The following CREBRF variants were observed in gnomAD, a reference collection of about 807,000 sequenced individuals.
CREBRF encodes UPF0474 protein C5orf41.
A neutral mutation model predicts 66.1 loss-of-function variants in CREBRF; 5 were observed. The observed-to-expected ratio is 0.08, with a 90% confidence interval of 0.04 to 0.16. The LOEUF is 0.16. CREBRF is among the 10% of genes least tolerant of loss of function. The pLI, the probability that CREBRF is intolerant of heterozygous loss-of-function variation, is 1.00. For missense variants in CREBRF, 531 were observed against 744.9 expected, an observed-to-expected ratio of 0.71 and a Z score of 3.34; for synonymous variants, 229 against 264.4, an observed-to-expected ratio of 0.87 and a Z score of 1.30.
intron 1 of CREBRF, among the ~76,000 whole-genome samples, chr5:173,077,942 A>G (rs1424242089): frequency 6.6e-6 from 1 of 152,104 alleles, no homozygotes; most frequent in Non-Finnish European, 1.5e-5. Context: ...TGTATTTGCC[A>G]TATTTTGTTG....
intron 5 of CREBRF, chr5:173,109,497 A>C (rs1006109933): frequency 6.8e-6 from 1 of 146,888 alleles, no homozygotes; most frequent in African/African-American, 2.7e-5. Flanking sequence ...TAAAAATGAC[A>C]GTCTTAGGTA....
chr5:173,062,168 A>G (rs1184424460), intron 1 of CREBRF, among the ~76,000 whole-genome samples: 6 of 152,122 alleles, frequency 3.9e-5, no homozygotes, highest in Admixed American at 1.3e-4. Context: ...TGAATATGCT[A>G]ATATTTCGGT....
rs1757685538 is a variant in CREBRF at position 173,074,269 on chromosome 5, C to A, written c.-191-6316C>A. The stretch of plus-strand genomic sequence containing the variant: ...TGAGCTGAGATCACACCATTGCACT[C>A]CAGCCTAGGCAACAAGAGTGAAAGT... On this transcript the variant is annotated intron_variant, in intron 1 of 8. Transcript: ENST00000296953. 3.3e-5 allele frequency among the ~76,000 whole-genome samples: 5 copies of A among 150,254 alleles called. No homozygotes were observed. In the South Asian group the frequency reaches 1.0e-3, roughly 31 times the overall value.
chr5:173,117,394 A>AAAAG (rs1554126323), intron 7 of CREBRF, among the ~76,000 whole-genome samples: 6 of 145,902 alleles, frequency 4.1e-5, no homozygotes, highest in African/African-American at 1.5e-4. Flanking sequence ...AAAAAAAAAA[A>AAAAG]TAAGTAAGTA....
At chr5:173,116,564 G>T (rs571950749) in intron 7 of CREBRF, among the ~76,000 whole-genome samples, 15 of 152,250 alleles carry the variant, frequency 9.9e-5, no homozygotes, top group African/African-American at 3.6e-4. Context: ...TCAATAGTTA[G>T]ATCCTTTTTA....
At chr5:173,108,538 G>T (rs1758799820) in intron 4 of CREBRF, 86 bp from the exon 5 acceptor site, 2 of 1,137,658 alleles carry the variant, frequency 1.8e-6, no homozygotes, top group Admixed American at 2.4e-5. Flanking sequence ...AATATACCAA[G>T]TTACAAATAG....
At chr5:173,085,028 C>T (rs1314101162) in intron 2 of CREBRF, among the ~76,000 whole-genome samples, 4 of 152,084 alleles carry the variant, frequency 2.6e-5, no homozygotes, top group Non-Finnish European at 5.9e-5. Flanking sequence ...CTGCAGCCTC[C>T]ACCTCCTGGG....
intron 1 of CREBRF, among the ~76,000 whole-genome samples, chr5:173,058,553 G>C (rs370692142): frequency 1.3e-5 from 2 of 151,432 alleles, no homozygotes; most frequent in East Asian, 1.9e-4. Context: ...GCCAGATCTC[G>C]ACTCACTGCA....
chr5:173,062,993 C>T (rs191110338), intron 1 of CREBRF, among the ~76,000 whole-genome samples: 218 of 152,102 alleles, frequency 1.4e-3, no homozygotes, highest in Non-Finnish European at 2.5e-3. Flanking sequence ...GTGATCCGCC[C>T]GCCTCGGCCT....
chr5:173,085,563 C>A (rs1758122240), intron 2 of CREBRF, among the ~76,000 whole-genome samples: 1 of 152,038 alleles, frequency 6.6e-6, no homozygotes, highest in Non-Finnish European at 1.5e-5. Context: ...ATTACAGGTG[C>A]CTGCCAGCAC....
chr5:173,071,503 C>A (rs1050645784), intron 1 of CREBRF, among the ~76,000 whole-genome samples: 4 of 151,696 alleles, frequency 2.6e-5, no homozygotes, highest in African/African-American at 9.7e-5. Flanking sequence ...AGCCACCGTG[C>A]CCGGCCTTGT....
chr5:173,108,647 G>A lies in CREBRF; in HGVS notation c.1246G>A (p.Asp416Asn). 1 of 1,610,872 alleles carries A rather than the reference G, an allele frequency of 6.2e-7. No homozygotes were observed. Among genetic ancestry groups the A allele is most frequent in the South Asian group, 1.1e-5 (1 of 89,848 alleles). The change falls in exon 5 of 9, where the codon GAC (aspartate) becomes AAC (asparagine). Residue 416 changes from aspartate (D) to asparagine (N), a missense_variant. By Grantham distance (23) the Asp-to-Asn change is conservative (BLOSUM62 1). Transcript: ENST00000296953. The part of the protein sequence containing the change: ...EPGYENDSVE[D>N]LKEVTSISSR... ...AGGCTATGAAAATGATTCTGTAGAA[G>A]ACCTGAAGGAGGTGACTTCAATATC...
At chr5:173,097,771 A>G (rs956321018) in intron 4 of CREBRF, among the ~76,000 whole-genome samples, 6 of 151,938 alleles carry the variant, frequency 3.9e-5, no homozygotes, top group African/African-American at 1.5e-4. Context: ...TATTGATTTG[A>G]GTCTTTTTTC....
chr5:173,095,252 G>T (rs1480194456), intron 4 of CREBRF, among the ~76,000 whole-genome samples: 2 of 134,408 alleles, frequency 1.5e-5, no homozygotes, highest in African/African-American at 5.6e-5. Context: ...GCAGTGGCCC[G>T]ATCTTGGCTC....
chr5:173,128,249 TA>T (rs1759318172), intron 8 of CREBRF, among the ~76,000 whole-genome samples: 1 of 152,188 alleles, frequency 6.6e-6, no homozygotes, highest in Non-Finnish European at 1.5e-5. Context: ...GAGAGAGATT[TA>T]AAATTTCCCC....
At chr5:173,059,682 T>TA (rs1373576605) in intron 1 of CREBRF, among the ~76,000 whole-genome samples, 2 of 152,244 alleles carry the variant, frequency 1.3e-5, no homozygotes, top group Non-Finnish European at 1.5e-5. Context: ...TTTTCATTGA[T>TA]ACTTAGAATA....
rs575273047 is a variant in CREBRF at position 173,129,179 on chromosome 5, C to T, written c.1805-4451C>T. On this transcript the variant is annotated intron_variant, in intron 8 of 8. Coordinates refer to ENST00000296953, the MANE Select transcript of CREBRF (RefSeq NM_153607.3). ...TTGCCCAGGCTGGAGTGCAGTGGCG[C>T]GATCTCGGCTCACTGCAAACTCCAC... Among the ~76,000 whole-genome samples the T allele has an allele frequency of 6.4e-4, 84 of 130,678 alleles. 1 individual carries two copies. The highest frequency in any genetic ancestry group is 5.6e-4 in the African/African-American group (19 of 33,790). The allele number at this position is 130,678 out of a possible 152,430, so 85.7% of individuals were successfully genotyped here.
chr5:173,093,164 G>C (rs1193931731), intron 4 of CREBRF, among the ~76,000 whole-genome samples: 1 of 152,106 alleles, frequency 6.6e-6, no homozygotes, highest in Non-Finnish European at 1.5e-5. Flanking sequence ...GGGTAATTAA[G>C]GGAAATGGCA....
At chr5:173,111,848 AG>A (rs1293853582) in intron 6 of CREBRF, among the ~76,000 whole-genome samples, 4 of 152,238 alleles carry the variant, frequency 2.6e-5, no homozygotes, top group Non-Finnish European at 4.4e-5. Flanking sequence ...CTTTCCTGCT[AG>A]CAACACATGA....
Sources: gnomAD v4.1 joint callset for allele counts (sites outside exome capture counted in the v4.1 genomes callset) on GRCh38, gnomAD v4.1.1 for gene constraint, MANE v1.5 for transcripts, NCBI Gene and HGNC (gene_info 2026-07-23, HGNC 2026-07-21) for gene names.